ANKRD42: variants seen among roughly 807,000 people sequenced by gnomAD.
The protein encoded by ANKRD42 is ankyrin repeat domain-containing protein 42.
Under a neutral mutation model 51.5 loss-of-function variants are expected in ANKRD42, and 43 were observed. The observed-to-expected ratio is 0.83, with a 90% CI of 0.65 to 1.08. ANKRD42 has a LOEUF of 1.08. ANKRD42 is among the 50% of genes least tolerant of loss of function. The probability of loss-of-function intolerance (pLI) is 0.00; values close to 1 mark genes in which losing one functional copy is unlikely to be tolerated. For synonymous variants in ANKRD42, 203 were observed against 213.0 expected (o/e 0.95, Z 0.41); for missense variants, 608 against 629.3 (o/e 0.97, Z 0.36).
At chr11:83,226,577 T>G (rs912642744) in intron 6 of ANKRD42, among the ~76,000 whole-genome samples, 1 of 152,234 alleles carries the variant, frequency 6.6e-6, no homozygotes, top group Non-Finnish European at 1.5e-5. Flanking sequence ...TTAAGACTTT[T>G]ACTATAATGC....
At position 83,248,731 on chromosome 11, in the gene ANKRD42, CAT is replaced by C. The variant is rs1863616367; in HGVS notation, c.*528_*529del. The stretch of plus-strand genomic sequence containing the variant: ...CTTTAAAAATATTAAAATAATAAAA[CAT>C]GTTTGTTGTATAGTGTTAAAAACAA... On this transcript the variant is annotated 3_prime_UTR_variant, in exon 11 of 11. Transcript: ENST00000533342. 1 of 975,996 alleles carries C rather than the reference CAT, an allele frequency of 1.0e-6. No homozygotes were observed. Among genetic ancestry groups the C allele is most frequent in the Non-Finnish European group, 1.2e-6 (1 of 821,416 alleles). The allele number at this position is 975,996 out of a possible 1,614,324, so 60.5% of individuals were successfully genotyped here.
intron 7 of ANKRD42, among the ~76,000 whole-genome samples, chr11:83,235,543 A>G (rs1863198536): frequency 6.6e-6 from 1 of 152,074 alleles, no homozygotes; most frequent in Non-Finnish European, 1.5e-5. Context: ...TCACTCATCA[A>G]CTCTTTAGAC....
chr11:83,235,243 T>C (rs552624533), intron 7 of ANKRD42, among the ~76,000 whole-genome samples: 142 of 152,274 alleles, frequency 9.3e-4, no homozygotes, highest in South Asian at 2.9e-3. Context: ...AGTTTGGGAA[T>C]AGGAATTGAG....
intron 5 of ANKRD42, among the ~76,000 whole-genome samples, chr11:83,212,313 C>T (rs1862354803): frequency 1.3e-5 from 2 of 152,110 alleles, no homozygotes; most frequent in African/African-American, 2.4e-5. Flanking sequence ...AACTCCTGGC[C>T]TAAGAGATCT....
Position 83,248,355 on chromosome 11 carries a change from T to G in ANKRD42, c.*151T>G, listed in dbSNP as rs1292874222. On this transcript the variant is annotated 3_prime_UTR_variant, in exon 11 of 11. Transcript: ENST00000533342. ...CACACACTCTATATGTAACTATAAC[T>G]TTCTAGATACATACACACATCTGTC... The G allele has an allele frequency of 2.2e-6, 3 of 1,357,250 alleles. No individual in the cohort carries two copies. The African/African-American group carries it at 4.5e-5, about 20-fold the overall frequency. The allele number at this position is 1,357,250 out of a possible 1,614,324, so 84.1% of individuals were successfully genotyped here. A position where few individuals can be genotyped will look rare whatever the true frequency, so the allele number is the denominator to read the frequency against.
At chr11:83,206,912 G>A (rs1340465202) in intron 3 of ANKRD42, among the ~76,000 whole-genome samples, 1 of 152,180 alleles carries the variant, frequency 6.6e-6, no homozygotes, top group African/African-American at 2.4e-5. Context: ...TTTTGAAATA[G>A]ACTGGAATTT....
At chr11:83,230,747 C>T (rs1013929401) in intron 7 of ANKRD42, among the ~76,000 whole-genome samples, 15 of 152,160 alleles carry the variant, frequency 9.9e-5, no homozygotes, top group East Asian at 3.9e-4. Context: ...CCACCATGCC[C>T]GGCTAATTTT....
chr11:83,228,023 C>A, intron 7 of ANKRD42, 151 bp downstream of exon 7: 3 of 730,774 alleles, frequency 4.1e-6, no homozygotes, highest in Non-Finnish European at 5.9e-6. Context: ...ATATAGAATG[C>A]CTAATTTTCA....
chr11:83,262,022 A>G (rs750274168), downstream of ANKRD42: 270 of 1,201,392 alleles, frequency 2.2e-4, no homozygotes, highest in Non-Finnish European at 3.1e-4. Context: ...TTTTGCAGAG[A>G]TAAAGAGAAT....
chr11:83,249,472 A>G (rs560635911), downstream of ANKRD42, among the ~76,000 whole-genome samples: 38 of 152,250 alleles, frequency 2.5e-4, 1 homozygote, highest in South Asian at 6.2e-4. Context: ...AGGTGGGACA[A>G]TCTTTTGGGG....
At chr11:83,231,652 C>T (rs778550793) in intron 7 of ANKRD42, among the ~76,000 whole-genome samples, 11 of 152,060 alleles carry the variant, frequency 7.2e-5, no homozygotes, top group Admixed American at 3.9e-4. Context: ...GAGAGTTTCC[C>T]CAATGTTTTC....
At chr11:83,234,273 G>T (rs560701635) in intron 7 of ANKRD42, among the ~76,000 whole-genome samples, 6 of 152,112 alleles carry the variant, frequency 3.9e-5, no homozygotes, top group African/African-American at 1.4e-4. Flanking sequence ...TTTAATTCAT[G>T]TTTCTCACAT....
rs145375803 is a variant in ANKRD42 at position 83,246,762 on chromosome 11, G to T, written c.1322+1138G>T. Among the ~76,000 whole-genome samples the T allele has an allele frequency of 2.0e-5, 3 of 152,230 alleles. No homozygotes were observed. In the East Asian group the frequency reaches 5.8e-4, roughly 29 times the overall value. Reference sequence around the variant, plus strand: ...AAGAGGTCTGCTAACTGTATTCAGAGTAACATCTAAATCTTTGATAAGGAT... The same window carrying T: ...AAGAGGTCTGCTAACTGTATTCAGATTAACATCTAAATCTTTGATAAGGAT... On this transcript the variant is annotated intron_variant, in intron 10 of 10. Transcript: ENST00000533342.
At chr11:83,203,433 G>T (rs139376071) in intron 2 of ANKRD42, among the ~76,000 whole-genome samples, 5 of 125,226 alleles carry the variant, frequency 4.0e-5, no homozygotes, top group Non-Finnish European at 6.6e-5. Flanking sequence ...TTGCTCTGTC[G>T]CCCAGGCTGG....
chr11:83,224,110 G>A (rs1216821111), intron 5 of ANKRD42, among the ~76,000 whole-genome samples: 1 of 151,666 alleles, frequency 6.6e-6, no homozygotes, highest in Non-Finnish European at 1.5e-5. Context: ...GTTATTTCCT[G>A]AAGGGCTATA....
intron 6 of ANKRD42, among the ~76,000 whole-genome samples, chr11:83,225,375 T>G (rs1455951325): frequency 6.6e-6 from 1 of 151,966 alleles, no homozygotes; most frequent in African/African-American, 2.4e-5. Context: ...GAGACCAACT[T>G]GGGAAATATA....
At chr11:83,257,144 G>A (rs2135569643), downstream of ANKRD42, 1 of 337,440 alleles carries the variant, frequency 3.0e-6, no homozygotes. Flanking sequence ...AGCTGAACTG[G>A]TTTCAGCAAT....
chr11:83,211,549 C>A, intron 5 of ANKRD42, 119 bp downstream of exon 5: 4 of 1,154,326 alleles, frequency 3.5e-6, no homozygotes, highest in Non-Finnish European at 4.8e-6. Context: ...GTAATCTCAG[C>A]ACTTTGAGAG....
chr11:83,245,037 TG>T (rs2135556402), intron 9 of ANKRD42, among the ~76,000 whole-genome samples: 2 of 152,238 alleles, frequency 1.3e-5, no homozygotes, highest in Middle Eastern at 6.8e-3. Context: ...CATGAGTAGC[TG>T]GGATTACAGG....
Sources: gnomAD v4.1 joint callset for allele counts (sites outside exome capture counted in the v4.1 genomes callset) on GRCh38, gnomAD v4.1.1 for gene constraint, MANE v1.5 for transcripts, NCBI Gene and HGNC (gene_info 2026-07-23, HGNC 2026-07-21) for gene names.